ATXN10: variants seen among roughly 807,000 people sequenced by gnomAD.
ATXN10 encodes ataxin-10.
A neutral mutation model predicts 52.9 loss-of-function variants in ATXN10; 28 were observed. The ratio of observed to expected loss-of-function variants is 0.53; its 90% CI spans 0.39 to 0.73. The LOEUF (loss-of-function observed/expected upper bound fraction) is 0.73. Ranked by LOEUF, ATXN10 falls within the 30% of genes least tolerant of loss-of-function variation. The probability of loss-of-function intolerance (pLI) is 0.00; values close to 1 mark genes in which losing one functional copy is unlikely to be tolerated. For missense variants in ATXN10, 565 were observed against 577.0 expected, an observed-to-expected ratio of 0.98 and a Z score of 0.21; for synonymous variants, 226 against 221.5, an observed-to-expected ratio of 1.02 and a Z score of -0.18.
chr22:45,799,195 C>T (rs1268687800), intron 9 of ATXN10, among the ~76,000 whole-genome samples: 1 of 152,014 alleles, frequency 6.6e-6, no homozygotes, highest in African/African-American at 2.4e-5. Context: ...CTCAGCCTCC[C>T]GAGTAGTTGG....
At position 45,712,318 on chromosome 22, in the gene ATXN10, T is replaced by C. The variant is rs892699130; in HGVS notation, c.648-6095T>C. ...GCTGAACAGGGGAAAAAGTGGCAGA[T>C]ATCCACAAGGACTGTCAGTGTTTGG... is the stretch of plus-strand genomic sequence containing the variant. On this transcript the variant is annotated intron_variant, in intron 5 of 11. Transcript: ENST00000252934. This position sits in a 1 kb window ranked among gnomAD's most constrained non-coding sequence, Gnocchi z 4.6. Among the ~76,000 whole-genome samples, 5 of 152,224 alleles carry C rather than the reference T, an allele frequency of 3.3e-5. No homozygotes were observed. Among genetic ancestry groups the C allele is most frequent in the Non-Finnish European group, 7.4e-5 (5 of 68,022 alleles).
chr22:45,760,213 T>A (rs1926334256), intron 9 of ATXN10, among the ~76,000 whole-genome samples: 1 of 152,164 alleles, frequency 6.6e-6, no homozygotes, highest in South Asian at 2.1e-4. Flanking sequence ...ACAGATGACA[T>A]TCCCTATCTT....
Position 45,751,214 on chromosome 22 carries a change from A to G in ATXN10, c.1173+10676A>G, listed in dbSNP as rs1450464366. 2.6e-5 allele frequency among the ~76,000 whole-genome samples: 4 copies of G among 152,288 alleles called. No homozygotes were observed. The East Asian group carries it at 7.7e-4, about 29-fold the overall frequency. ...CCAAAGTGCTGGGATTACAGGTGTG[A>G]GCCACCATGCCCAGCCTCTTTGTTC... On this transcript the variant is annotated intron_variant, in intron 9 of 11. Transcript: ENST00000252934.
chr22:45,672,050 C>G lies in ATXN10; in HGVS notation c.-14C>G. 1 of 1,535,278 alleles carries G rather than the reference C, an allele frequency of 6.5e-7. No homozygotes were observed. Among genetic ancestry groups the G allele is most frequent in the Non-Finnish European group, 8.7e-7 (1 of 1,144,652 alleles). On this transcript the variant is annotated 5_prime_UTR_variant, in exon 1 of 12. Transcript: ENST00000252934. ...CTCCTCCTCGTCAGGCTCGACCCAG[C>G]TGTGAGCGGCAAGATGGCGGCGCCC...
chr22:45,726,239 T>C (rs13055245), intron 6 of ATXN10, among the ~76,000 whole-genome samples: 1 of 152,216 alleles, frequency 6.6e-6, no homozygotes, highest in Admixed American at 6.5e-5. Context: ...GTATGATTGG[T>C]GCCAATTCTT....
intron 9 of ATXN10, among the ~76,000 whole-genome samples, chr22:45,791,999 G>T (rs1927529609): frequency 1.3e-5 from 2 of 152,066 alleles, no homozygotes; most frequent in South Asian, 4.1e-4. Context: ...CCCAGGCACA[G>T]TTTATTTTGG....
chr22:45,730,269 A>G (rs1211991137), intron 7 of ATXN10, among the ~76,000 whole-genome samples: 5 of 148,990 alleles, frequency 3.4e-5, no homozygotes, highest in Admixed American at 6.7e-5. Context: ...ACTTGAGCCC[A>G]GGAGGTTGAG....
At chr22:45,691,992 T>C (rs895322829) in intron 2 of ATXN10, among the ~76,000 whole-genome samples, 4 of 152,252 alleles carry the variant, frequency 2.6e-5, no homozygotes, top group African/African-American at 9.6e-5. Context: ...TGACTTGGTC[T>C]TCCTGAGTAT....
chr22:45,800,858 A>G (rs1338108798), intron 9 of ATXN10, among the ~76,000 whole-genome samples: 2 of 152,258 alleles, frequency 1.3e-5, no homozygotes, highest in East Asian at 3.8e-4. Context: ...ACCTGTAATG[A>G]CAGAAACAGA....
At chr22:45,672,339 C>A in intron 1 of ATXN10, 160 bp downstream of exon 1, 1 of 765,518 alleles carries the variant, frequency 1.3e-6, no homozygotes, top group Non-Finnish European at 1.7e-6. Context: ...TCCCGACTCC[C>A]AGGCACCGCC....
In ATXN10 at chr22:45,708,426, T is replaced by C. The variant is rs149270798; in HGVS notation, c.647+5579T>C. On this transcript the variant is annotated intron_variant, in intron 5 of 11. Coordinates refer to ENST00000252934, the MANE Select transcript of ATXN10 (RefSeq NM_013236.4). This position sits in a 1 kb window ranked among gnomAD's most constrained non-coding sequence, Gnocchi z 5.3. The stretch of plus-strand genomic sequence containing the variant: ...TCCTGTGAATTGTATTTTGCTACTA[T>C]GTACCTATGAAAGTTAAGCAGAGTA... 2.2e-3 allele frequency among the ~76,000 whole-genome samples: 328 copies of C among 152,340 alleles called. 1 individual carries two copies. The highest frequency in any genetic ancestry group is 7.5e-3 in the African/African-American group (312 of 41,576).
chr22:45,747,667 G>T (rs1159628472), intron 9 of ATXN10, among the ~76,000 whole-genome samples: 2 of 152,168 alleles, frequency 1.3e-5, no homozygotes, highest in Non-Finnish European at 2.9e-5. Flanking sequence ...ACTCAGAGTT[G>T]CCTCTTAGTT....
chr22:45,741,279 C>A (rs952026354), intron 9 of ATXN10, among the ~76,000 whole-genome samples: 6 of 152,198 alleles, frequency 3.9e-5, no homozygotes, highest in African/African-American at 1.4e-4. Flanking sequence ...GGGTTGGCAT[C>A]TATTTCTCCA....
intron 9 of ATXN10, among the ~76,000 whole-genome samples, chr22:45,788,411 C>G (rs1284104338): frequency 6.6e-6 from 1 of 151,274 alleles, no homozygotes; most frequent in African/African-American, 2.4e-5. Context: ...TTACCACAGT[C>G]CTAGAGAGCA....
At position 45,688,098 on chromosome 22, in the gene ATXN10, C is replaced by T. The variant is rs1467754231; in HGVS notation, c.117-1614C>T. Among the ~76,000 whole-genome samples the T allele has an allele frequency of 2.6e-5, 4 of 152,096 alleles. No homozygotes were observed. Among genetic ancestry groups the T allele is most frequent in the African/African-American group, 4.8e-5 (2 of 41,418 alleles). ...AGTGAGTATTCTTCCATTCTTCTTA[C>T]GGCAATGCTGTCACTAAAAAATGGC... On this transcript the variant is annotated intron_variant, in intron 1 of 11. Transcript: ENST00000252934. This position sits in a 1 kb window ranked among gnomAD's most constrained non-coding sequence, Gnocchi z 4.0.
chr22:45,768,154 G>C (rs1433043474), intron 9 of ATXN10, among the ~76,000 whole-genome samples: 1 of 152,084 alleles, frequency 6.6e-6, no homozygotes, highest in Non-Finnish European at 1.5e-5. Context: ...AACTAAAATC[G>C]TTGAGCCCTG....
rs747504780 is a variant in ATXN10 at position 45,795,515 on chromosome 22, A to G, written c.1174-11444A>G. On this transcript the variant is annotated intron_variant, in intron 9 of 11. Coordinates refer to ENST00000252934, the MANE Select transcript of ATXN10 (RefSeq NM_013236.4). This position sits in a 1 kb window ranked among gnomAD's most constrained non-coding sequence, Gnocchi z 4.6. ...AACCTCTGCCTACCAGGTTCAAGCA[A>G]TTCTCCTGCCTCAGCCTCCCAAGTA... is the stretch of plus-strand genomic sequence containing the variant. 1.3e-5 allele frequency among the ~76,000 whole-genome samples: 2 copies of G among 152,004 alleles called. No homozygotes were observed. The highest frequency in any genetic ancestry group is 2.4e-5 in the African/African-American group (1 of 41,376).
Position 45,819,192 on chromosome 22 carries a change from A to AAATAG in ATXN10, c.1237+12226_1237+12230dup, listed in dbSNP as rs56195245. Among the ~76,000 whole-genome samples the AAATAG allele has an allele frequency of 0.063, 9,365 of 147,496 alleles. 352 individuals carry two copies. The highest frequency in any genetic ancestry group is 0.091 in the East Asian group (449 of 4,930). ...TCTGTAGTATGAAGAATAGAATAGA[A>AAATAG]AATAGAATAGAATAGAATAGAATAG... On this transcript the variant is annotated intron_variant, in intron 10 of 11. Coordinates refer to ENST00000252934, the MANE Select transcript of ATXN10 (RefSeq NM_013236.4). This position sits in a 1 kb window ranked among gnomAD's most constrained non-coding sequence, Gnocchi z 4.5.
intron 7 of ATXN10, 57 bp from the exon 8 acceptor site, chr22:45,738,672 AAC>A: frequency 1.5e-6 from 2 of 1,299,066 alleles, no homozygotes; most frequent in South Asian, 2.4e-5. Flanking sequence ...AGTTATTTAT[AAC>A]AGTTAAATAA....
Sources: gnomAD v4.1 joint callset for allele counts (sites outside exome capture counted in the v4.1 genomes callset) on GRCh38, gnomAD v4.1.1 for gene constraint, Gnocchi (gnomAD v3.1) non-coding constraint, MANE v1.5 for transcripts, NCBI Gene and HGNC (gene_info 2026-07-23, HGNC 2026-07-21) for gene names.